Variants in METAP1D observed in about 807,000 individuals in gnomAD.
METAP1D encodes the protein methionyl aminopeptidase type 1D, mitochondrial.
METAP1D carries 31 observed loss-of-function variants against 40.5 expected under a neutral mutation model. That is an observed-to-expected ratio of 0.77 (90% CI 0.58 to 1.03). The LOEUF (loss-of-function observed/expected upper bound fraction) is 1.03, where lower values mean the gene tolerates loss of function less well. Among genes scored for constraint, METAP1D ranks in the 50% least tolerant of loss-of-function variants. METAP1D has a pLI of 0.00. For synonymous variants in METAP1D, 151 were observed against 146.4 expected (o/e 1.03, Z -0.22); for missense variants, 411 against 420.7 (o/e 0.98, Z 0.20).
chr2:172,022,417 A>G (rs1689029230), intron 1 of METAP1D, among the ~76,000 whole-genome samples: 1 of 152,162 alleles, frequency 6.6e-6, no homozygotes, highest in Non-Finnish European at 1.5e-5. Context: ...AGAGACATCT[A>G]TCAGTACTCA....
At chr2:172,043,121 T>TG (rs1689659547) in intron 1 of METAP1D, among the ~76,000 whole-genome samples, 2 of 90,246 alleles carry the variant, frequency 2.2e-5, no homozygotes, top group African/African-American at 7.3e-5. Flanking sequence ...ATATATATTT[T>TG]TTGGGATACA....
At chr2:172,025,392 G>A (rs898868034) in intron 1 of METAP1D, among the ~76,000 whole-genome samples, 5 of 151,974 alleles carry the variant, frequency 3.3e-5, no homozygotes, top group African/African-American at 1.2e-4. Flanking sequence ...GCAGTGGCAC[G>A]ATCAAGGCTC....
intron 7 of METAP1D, 127 bp from the exon 8 acceptor site, chr2:172,079,088 C>T: frequency 1.1e-6 from 1 of 902,320 alleles, no homozygotes; most frequent in Non-Finnish European, 1.7e-6. Flanking sequence ...AATCTCCACC[C>T]TTCCTTCTCT....
intron 1 of METAP1D, among the ~76,000 whole-genome samples, chr2:172,049,808 C>T (rs1439806728): frequency 1.3e-5 from 2 of 152,066 alleles, no homozygotes; most frequent in Non-Finnish European, 2.9e-5. Context: ...TATTGTTTTC[C>T]TGAAGCATTA....
chr2:172,050,388 CTG>C (rs1689861850), intron 1 of METAP1D, among the ~76,000 whole-genome samples: 1 of 151,746 alleles, frequency 6.6e-6, no homozygotes, highest in African/African-American at 2.4e-5. Flanking sequence ...TATGAATAGT[CTG>C]GAGGTTTTTT....
chr2:172,065,707 T>C lies in METAP1D; in HGVS notation c.452T>C (p.Val151Ala), dbSNP rs780280059. The C allele has an allele frequency of 4.3e-6, 7 of 1,613,874 alleles. No individual in the cohort carries two copies. The highest frequency in any genetic ancestry group is 1.6e-4 in the Middle Eastern group (1 of 6,082). The part of the protein sequence containing the change: ...PLGYGGFPKS[V>A]CTSVNNVLCH... ...GGCTATGGAGGTTTTCCAAAATCTG[T>C]TTGTACCTCTGTAAACAACGTGCTC... The change falls in exon 4 of 10, where the codon GTT (valine) becomes GCT (alanine). Residue 151 changes from valine (V) to alanine (A), a missense_variant. Transcript: ENST00000315796.
At chr2:172,047,791 G>A (rs905307036) in intron 1 of METAP1D, among the ~76,000 whole-genome samples, 2 of 152,170 alleles carry the variant, frequency 1.3e-5, no homozygotes, top group Non-Finnish European at 2.9e-5. Context: ...ACACTTTACA[G>A]GGAATGTCTT....
At chr2:172,041,724 TTTTATATA>T (rs1432620796) in intron 1 of METAP1D, among the ~76,000 whole-genome samples, 1 of 25,420 alleles carries the variant, frequency 3.9e-5, no homozygotes, top group Non-Finnish European at 9.6e-5. Context: ...ACTCTAATTA[TTTTATATA>T]TATATATATA....
intron 1 of METAP1D, among the ~76,000 whole-genome samples, chr2:172,019,028 C>G (rs1463190917): frequency 6.6e-6 from 1 of 152,080 alleles, no homozygotes; most frequent in Non-Finnish European, 1.5e-5. Context: ...TCTGAGAACG[C>G]CTCTAATATA....
rs375404488 is a variant in METAP1D, at chr2:172,046,310, G to A, written c.41-15188G>A. On this transcript the variant is annotated intron_variant, in intron 1 of 9. Transcript: ENST00000315796. ...GCTGTCTGGATGATTAATGTGACTA[G>A]GAAAATACTGTTGACCCATTTAAAT... Among the ~76,000 whole-genome samples, 62 of 151,758 alleles carry A rather than the reference G, an allele frequency of 4.1e-4. No homozygotes were observed. In the South Asian group the frequency reaches 9.6e-3, roughly 23 times the overall value.
At position 172,038,158 on chromosome 2, in the gene METAP1D, T is replaced by C. The variant is rs75978640; in HGVS notation, c.41-23340T>C. On this transcript the variant is annotated intron_variant, in intron 1 of 9. Coordinates refer to ENST00000315796, the MANE Select transcript of METAP1D (RefSeq NM_199227.3). The stretch of plus-strand genomic sequence containing the variant: ...ATGTTATCCTTTAGAAACCATGTTG[T>C]AAATGGCAGCAACATTCCCAGGCCA... 2.1e-4 allele frequency among the ~76,000 whole-genome samples: 32 copies of C among 152,338 alleles called. 1 individual carries two copies. In the East Asian group the frequency reaches 6.2e-3, roughly 29 times the overall value.
chr2:172,028,842 G>T (rs765156928), intron 1 of METAP1D, among the ~76,000 whole-genome samples: 10 of 152,050 alleles, frequency 6.6e-5, no homozygotes, highest in Admixed American at 5.2e-4. Flanking sequence ...ATAATTTAAG[G>T]ACATTAAAAA....
chr2:172,034,334 T>C (rs1689319521), intron 1 of METAP1D, among the ~76,000 whole-genome samples: 2 of 152,288 alleles, frequency 1.3e-5, no homozygotes, highest in South Asian at 4.1e-4. Context: ...TAGGCTTAGG[T>C]AAATCCCAGA....
chr2:172,049,637 C>A (rs1223471910), intron 1 of METAP1D, among the ~76,000 whole-genome samples: 4 of 152,068 alleles, frequency 2.6e-5, no homozygotes, highest in Non-Finnish European at 5.9e-5. Flanking sequence ...CTATACCAGT[C>A]CAAAAAGCTG....
At chr2:172,052,541 C>T (rs1689907313) in intron 1 of METAP1D, among the ~76,000 whole-genome samples, 1 of 152,170 alleles carries the variant, frequency 6.6e-6, no homozygotes, top group Non-Finnish European at 1.5e-5. Context: ...GCAGTTAACC[C>T]CTGGAAGGAA....
chr2:172,033,961 C>G (rs577151632), intron 1 of METAP1D, among the ~76,000 whole-genome samples: 11 of 151,340 alleles, frequency 7.3e-5, no homozygotes, highest in African/African-American at 2.7e-4. Context: ...CCTGTAATCC[C>G]GGCTACTCGG....
intron 1 of METAP1D, among the ~76,000 whole-genome samples, chr2:172,006,421 G>T (rs907152577): frequency 6.6e-6 from 1 of 152,176 alleles, no homozygotes; most frequent in Non-Finnish European, 1.5e-5. Context: ...CTGACCTCGT[G>T]ATCTGCCTGC....
At chr2:172,066,363 C>T (rs1057462326) in intron 5 of METAP1D, 57 bp downstream of exon 5, 3 of 1,393,038 alleles carry the variant, frequency 2.2e-6, no homozygotes, top group African/African-American at 2.9e-5. Context: ...CTGGTAGCAA[C>T]AGGAAGAGTG....
At chr2:172,045,693 A>ATGTG (rs1559010007) in intron 1 of METAP1D, among the ~76,000 whole-genome samples, 2 of 71,940 alleles carry the variant, frequency 2.8e-5, no homozygotes, top group African/African-American at 9.7e-5. Context: ...AGGATCATTC[A>ATGTG]TATATATGTG....
Sources: gnomAD v4.1 joint callset for allele counts (sites outside exome capture counted in the v4.1 genomes callset) on GRCh38, gnomAD v4.1.1 for gene constraint, MANE v1.5 for transcripts, NCBI Gene and HGNC (gene_info 2026-07-23, HGNC 2026-07-21) for gene names.